The following RAB11FIP4 variants were observed in gnomAD, a reference collection of about 807,000 sequenced individuals.
The protein encoded by RAB11FIP4 is RAB11 family interacting protein 4.
A neutral mutation model predicts 74.3 loss-of-function variants in RAB11FIP4; 23 were observed. That is an observed-to-expected ratio of 0.31 (90% CI 0.22 to 0.44). The LOEUF (loss-of-function observed/expected upper bound fraction) is 0.44. RAB11FIP4 is among the 20% of genes least tolerant of loss of function. RAB11FIP4 has a pLI of 1.00. For missense variants in RAB11FIP4, 630 were observed against 863.9 expected, an observed-to-expected ratio of 0.73 and a Z score of 3.39; for synonymous variants, 360 against 359.9, an observed-to-expected ratio of 1.00 and a Z score of 0.00.
At chr17:31,516,801 G>T (rs2072559992) in intron 3 of RAB11FIP4, among the ~76,000 whole-genome samples, 1 of 152,194 alleles carries the variant, frequency 6.6e-6, no homozygotes, top group South Asian at 2.1e-4. Context: ...CCACGGGATG[G>T]GAGCAGGCCC....
At chr17:31,412,088 C>T (rs1434108287) in intron 1 of RAB11FIP4, among the ~76,000 whole-genome samples, 1 of 152,204 alleles carries the variant, frequency 6.6e-6, no homozygotes, top group Non-Finnish European at 1.5e-5. Context: ...CAGAATTTCT[C>T]CTCCCCAAGT....
intron 3 of RAB11FIP4, among the ~76,000 whole-genome samples, chr17:31,461,167 T>C (rs2142716892): frequency 6.6e-6 from 1 of 151,350 alleles, no homozygotes; most frequent in African/African-American, 2.4e-5. Flanking sequence ...GCCCCACCTG[T>C]CTGATAAAAT....
Position 31,391,730 on chromosome 17 carries a change from G to T in RAB11FIP4, c.-123G>T. ...ACACGGATCGGCCGCGGCCGCCACC[G>T]GGCGGAGGCTGCGCGGCGCAGACCC... On this transcript the variant is annotated 5_prime_UTR_variant, in exon 1 of 15. Coordinates refer to ENST00000621161, the MANE Select transcript of RAB11FIP4 (RefSeq NM_032932.6). 1 of 744,076 alleles carries T rather than the reference G, an allele frequency of 1.3e-6. No homozygotes were observed. The highest frequency in any genetic ancestry group is 5.8e-5 in the South Asian group (1 of 17,196). 46.1% of individuals were successfully genotyped at this position (744,076 alleles called of 1,614,324 possible).
chr17:31,505,576 TA>T (rs1567681340), intron 3 of RAB11FIP4, among the ~76,000 whole-genome samples: 20 of 76,860 alleles, frequency 2.6e-4, no homozygotes, highest in African/African-American at 1.0e-3. Context: ...TATATAATAA[TA>T]TATAATAATA....
intron 3 of RAB11FIP4, among the ~76,000 whole-genome samples, chr17:31,449,356 C>G (rs898162855): frequency 1.2e-4 from 19 of 152,128 alleles, no homozygotes; most frequent in Non-Finnish European, 2.9e-5. Context: ...GCTTCTGGAG[C>G]TGACATAATA....
intron 6 of RAB11FIP4, 35 bp downstream of exon 6, chr17:31,522,084 G>C (rs747367070): frequency 1.2e-6 from 2 of 1,611,856 alleles, no homozygotes; most frequent in Non-Finnish European, 1.7e-6. Flanking sequence ...GTGAGAGGCC[G>C]GGGGGCCAGG....
intron 13 of RAB11FIP4, among the ~76,000 whole-genome samples, chr17:31,530,114 A>G (rs1361832224): frequency 3.9e-5 from 6 of 152,222 alleles, no homozygotes; most frequent in Admixed American, 6.5e-5. Context: ...GTGCACTCCC[A>G]GGATGCCAGT....
intron 3 of RAB11FIP4, among the ~76,000 whole-genome samples, chr17:31,477,835 G>C (rs1224169957): frequency 1.3e-5 from 2 of 152,122 alleles, no homozygotes; most frequent in Non-Finnish European, 2.9e-5. Context: ...CTAGCTGTAT[G>C]TCCTTGAGTA....
chr17:31,531,780 C>A lies in RAB11FIP4; in HGVS notation c.*48C>A. ...AGCCTTAGGACCCTGGGACCAAGGG[C>A]AGACCCTGCCCAAGGATGCAGGCCT... is the stretch of plus-strand genomic sequence containing the variant. On this transcript the variant is annotated 3_prime_UTR_variant, in exon 15 of 15. Coordinates refer to ENST00000621161, the MANE Select transcript of RAB11FIP4 (RefSeq NM_032932.6). 1.6e-6 allele frequency: 2 copies of A among 1,261,412 alleles called. No individual in the cohort carries two copies. The highest frequency in any genetic ancestry group is 2.3e-5 in the East Asian group (1 of 43,222). 78.1% of individuals were successfully genotyped at this position (1,261,412 alleles called of 1,614,324 possible). A position where few individuals can be genotyped will look rare whatever the true frequency, so the allele number is the denominator to read the frequency against.
At chr17:31,406,352 G>A (rs958678733) in intron 1 of RAB11FIP4, among the ~76,000 whole-genome samples, 3 of 152,208 alleles carry the variant, frequency 2.0e-5, no homozygotes, top group Admixed American at 6.5e-5. Flanking sequence ...CAGGAGGCAC[G>A]TCCTAGACAC....
chr17:31,443,914 A>G (rs2071427636), intron 3 of RAB11FIP4, among the ~76,000 whole-genome samples: 1 of 152,214 alleles, frequency 6.6e-6, no homozygotes. Context: ...GACCCTATCT[A>G]AAAAAGAAAA....
Position 31,477,223 on chromosome 17 carries a change from C to T in RAB11FIP4, c.337-40428C>T, listed in dbSNP as rs75702999. ...TCCAACCCCAGAACAGACTCAGAGT[C>T]GTCATCGTCCACTGTCATCCCGCCT... On this transcript the variant is annotated intron_variant, in intron 3 of 14. Transcript: ENST00000621161. Among the ~76,000 whole-genome samples, 1,440 of 152,338 alleles carry T rather than the reference C, an allele frequency of 9.5e-3. 16 individuals are homozygous for T. Among genetic ancestry groups the T allele is most frequent in the African/African-American group, 0.031 (1,286 of 41,586 alleles).
At chr17:31,505,315 A>G (rs2072296161) in intron 3 of RAB11FIP4, among the ~76,000 whole-genome samples, 1 of 144,144 alleles carries the variant, frequency 6.9e-6, no homozygotes, top group Admixed American at 7.7e-5. Context: ...AGTGTTCTGT[A>G]TGTATCAGTC....
intron 1 of RAB11FIP4, among the ~76,000 whole-genome samples, chr17:31,411,033 G>A (rs941280907): frequency 2.6e-5 from 4 of 152,182 alleles, no homozygotes; most frequent in Non-Finnish European, 5.9e-5. Context: ...GTTTAATGGA[G>A]GATGCGTAGG....
At chr17:31,449,807 G>A (rs909781102) in intron 3 of RAB11FIP4, among the ~76,000 whole-genome samples, 3 of 152,196 alleles carry the variant, frequency 2.0e-5, no homozygotes, top group Admixed American at 2.0e-4. Context: ...CTGGCCTCAA[G>A]CAATCCTCCA....
At position 31,531,699 on chromosome 17, in the gene RAB11FIP4, C is replaced by T. The variant is rs985974032; in HGVS notation, c.1881C>T (p.Asp627=). Reference sequence around the variant, plus strand: ...ACAAGATTATCCTCGCCATCCTGGACCACAATCCCTCCATCCTCGAGATCA... The same window carrying T: ...ACAAGATTATCCTCGCCATCCTGGATCACAATCCCTCCATCCTCGAGATCA... The part of the protein sequence containing the change: ...YMDKIILAIL[D]HNPSILEIKH The change falls in exon 15 of 15, where the codon GAC becomes GAT. Residue 627 remains aspartate (D), a synonymous_variant. Coordinates refer to ENST00000621161, the MANE Select transcript of RAB11FIP4 (RefSeq NM_032932.6). The T allele has an allele frequency of 4.3e-6, 7 of 1,613,694 alleles. No homozygotes were observed. In the African/African-American group the frequency reaches 9.3e-5, roughly 22 times the overall value.
intron 3 of RAB11FIP4, among the ~76,000 whole-genome samples, chr17:31,476,373 C>T (rs915911503): frequency 3.3e-5 from 5 of 151,834 alleles, no homozygotes; most frequent in African/African-American, 7.3e-5. Context: ...TTAGTAGAGA[C>T]GGGATTTCAC....
At chr17:31,392,372 C>T in intron 1 of RAB11FIP4, 1 of 173,272 alleles carries the variant, frequency 5.8e-6, no homozygotes, top group Non-Finnish European at 1.2e-5. Context: ...CCCGGCGCTG[C>T]GGAGACCAAG....
chr17:31,514,597 C>A (rs992213391), intron 3 of RAB11FIP4, among the ~76,000 whole-genome samples: 8 of 152,264 alleles, frequency 5.3e-5, no homozygotes, highest in Admixed American at 5.2e-4. Context: ...TGCCAAGTTG[C>A]TGAGCTCTCA....
Sources: allele counts gnomAD v4.1 joint callset (sites outside exome capture counted in the v4.1 genomes callset), GRCh38; gene constraint gnomAD v4.1.1; transcripts MANE v1.5; gene names NCBI Gene and HGNC (gene_info 2026-07-23, HGNC 2026-07-21).